EPHA7: variants seen among roughly 807,000 people sequenced by gnomAD.
The protein encoded by EPHA7 is ephrin type-A receptor 7.
EPHA7 carries 25 observed loss-of-function variants against 112.6 expected under a neutral mutation model. The ratio of observed to expected loss-of-function variants is 0.22; its 90% confidence interval spans 0.16 to 0.31. The LOEUF (loss-of-function observed/expected upper bound fraction) is 0.31, where lower values mean the gene tolerates loss of function less well. Ranked by LOEUF, EPHA7 falls within the 10% of genes least tolerant of loss-of-function variation. EPHA7 has a pLI of 1.00. For missense variants in EPHA7, 962 were observed against 1,212.6 expected, an observed-to-expected ratio of 0.79 and a Z score of 3.07; for synonymous variants, 437 against 406.5, an observed-to-expected ratio of 1.07 and a Z score of -0.90.
intron 3 of EPHA7, among the ~76,000 whole-genome samples, chr6:93,359,872 GAGAGATAGATAGAT>G (rs1188618386): frequency 8.7e-5 from 11 of 127,024 alleles, no homozygotes; most frequent in African/African-American, 3.0e-4. Flanking sequence ...GAGAGAGAGA[GAGAGATAGATAGAT>G]AGATAGATAG....
At chr6:93,418,264 C>A (rs1360867620) in intron 1 of EPHA7, among the ~76,000 whole-genome samples, 1 of 152,056 alleles carries the variant, frequency 6.6e-6, no homozygotes, top group Non-Finnish European at 1.5e-5. Flanking sequence ...ACTACAGGCA[C>A]CGAAAGGTAT....
chr6:93,300,742 A>G (rs778945135), intron 5 of EPHA7, among the ~76,000 whole-genome samples: 4 of 152,228 alleles, frequency 2.6e-5, no homozygotes, highest in African/African-American at 4.8e-5. Flanking sequence ...TTTGTTTTTA[A>G]AAGTCTCTTA....
chr6:93,364,117 A>G (rs1166571650), intron 3 of EPHA7, among the ~76,000 whole-genome samples: 4 of 152,176 alleles, frequency 2.6e-5, no homozygotes, highest in Non-Finnish European at 5.9e-5. Context: ...TCTAAAAATG[A>G]TTTGCGGTGA....
Position 93,277,263 on chromosome 6 carries a change from T to C in EPHA7, c.1325-4841A>G, listed in dbSNP as rs972939120. Among the ~76,000 whole-genome samples the C allele has an allele frequency of 2.4e-4, 36 of 152,010 alleles. 2 individuals carry two copies. Among genetic ancestry groups the C allele is most frequent in the South Asian group, 4.1e-4 (2 of 4,832 alleles). ...CCCACAGGTGTTCATCTTTGTACTA[T>C]AGGAAAAACACATAAAAATACATAC... On this transcript the variant is annotated intron_variant, in intron 5 of 16. Transcript: ENST00000369303.
intron 1 of EPHA7, 35 bp downstream of exon 1, chr6:93,419,210 A>T (rs1446491980): frequency 6.4e-7 from 1 of 1,563,166 alleles, no homozygotes. Flanking sequence ...CTAAATAAAT[A>T]AGTCAGAACA....
chr6:93,269,883 C>T (rs1310587611), intron 6 of EPHA7, among the ~76,000 whole-genome samples: 4 of 151,634 alleles, frequency 2.6e-5, no homozygotes, highest in African/African-American at 9.7e-5. Context: ...TTAGTTAAAA[C>T]ATTTATGGTG....
chr6:93,358,184 T>G, intron 4 of EPHA7, 72 bp downstream of exon 4: 1 of 1,145,146 alleles, frequency 8.7e-7, no homozygotes, highest in African/African-American at 1.6e-5. Context: ...CAATATCTAT[T>G]TCATTGATGT....
chr6:93,402,797 A>G (rs1778494229), intron 3 of EPHA7, among the ~76,000 whole-genome samples: 1 of 152,042 alleles, frequency 6.6e-6, no homozygotes, highest in Non-Finnish European at 1.5e-5. Flanking sequence ...ATTTTATAAC[A>G]AAAGTTGCTT....
At chr6:93,332,390 A>G (rs1774639238) in intron 5 of EPHA7, among the ~76,000 whole-genome samples, 1 of 151,762 alleles carries the variant, frequency 6.6e-6, no homozygotes, top group African/African-American at 2.4e-5. Flanking sequence ...AGTACTATAA[A>G]TAATGAACAG....
intron 14 of EPHA7, among the ~76,000 whole-genome samples, chr6:93,253,924 CT>C (rs34299090): frequency 2.6e-5 from 4 of 151,128 alleles, no homozygotes; most frequent in South Asian, 4.2e-4. Context: ...ATAAAAGCAA[CT>C]TTTTTTTTGC....
intron 7 of EPHA7, among the ~76,000 whole-genome samples, chr6:93,268,548 G>T (rs1771058276): frequency 1.3e-5 from 2 of 151,638 alleles, no homozygotes; most frequent in African/African-American, 4.8e-5. Flanking sequence ...GGCTGGATTG[G>T]CAAGGAGAAG....
At chr6:93,360,963 T>A (rs1238407933) in intron 3 of EPHA7, among the ~76,000 whole-genome samples, 1 of 152,082 alleles carries the variant, frequency 6.6e-6, no homozygotes, top group Non-Finnish European at 1.5e-5. Context: ...AAAACTTAAT[T>A]TTCAATGGAT....
At chr6:93,249,351 G>A (rs73537497) in intron 14 of EPHA7, among the ~76,000 whole-genome samples, 238 of 152,146 alleles carry the variant, frequency 1.6e-3, no homozygotes, top group African/African-American at 5.5e-3. Context: ...TAATAGCACT[G>A]TACTTGGATT....
At chr6:93,252,454 C>T (rs1043590811) in intron 14 of EPHA7, among the ~76,000 whole-genome samples, 9 of 151,722 alleles carry the variant, frequency 5.9e-5, no homozygotes, top group African/African-American at 1.7e-4. Context: ...AATATATTCA[C>T]ACATACACAG....
rs2127945203 is a variant in EPHA7, at chr6:93,357,158, T to C, written c.989-106A>G. ...GTGGGGCATTAAGCTAGTGGCTCAA[T>C]TACCAAAGAGAAAACGAGTTGAAAT... On this transcript the variant is annotated intron_variant, in intron 4 of 16. Transcript: ENST00000369303. The C allele has an allele frequency of 6.2e-6, 5 of 804,568 alleles. No homozygotes were observed. In the East Asian group the frequency reaches 1.1e-4, roughly 17 times the overall value. The allele number at this position is 804,568 out of a possible 1,614,324, so 49.8% of individuals were successfully genotyped here.
intron 3 of EPHA7, among the ~76,000 whole-genome samples, chr6:93,405,803 GTGTGTGTGTGTATATATA>G (rs1170121597): frequency 2.2e-4 from 14 of 62,430 alleles, no homozygotes; most frequent in African/African-American, 7.8e-4. Context: ...GTGTGTGTGT[GTGTGTGTGTGTATATATA>G]TATATATATA....
At chr6:93,418,292 G>A (rs1452620780) in intron 1 of EPHA7, among the ~76,000 whole-genome samples, 1 of 152,090 alleles carries the variant, frequency 6.6e-6, no homozygotes, top group East Asian at 1.9e-4. Context: ...TCTGTCAAAG[G>A]TTCAAAGAAG....
chr6:93,303,286 C>CA (rs1773084807), intron 5 of EPHA7, among the ~76,000 whole-genome samples: 1 of 152,150 alleles, frequency 6.6e-6, no homozygotes, highest in Non-Finnish European at 1.5e-5. Flanking sequence ...AAGCACTTCT[C>CA]ACTACATTAA....
chr6:93,307,688 G>C (rs1773326918), intron 5 of EPHA7, among the ~76,000 whole-genome samples: 1 of 151,982 alleles, frequency 6.6e-6, no homozygotes, highest in Non-Finnish European at 1.5e-5. Flanking sequence ...AAATAAATAT[G>C]GTAAGATATG....
Sources: allele counts gnomAD v4.1 joint callset (sites outside exome capture counted in the v4.1 genomes callset), GRCh38; gene constraint gnomAD v4.1.1; transcripts MANE v1.5; gene names NCBI Gene and HGNC (gene_info 2026-07-23, HGNC 2026-07-21).